Variants in SND1 observed in about 807,000 individuals in gnomAD.
SND1 encodes staphylococcal nuclease domain-containing protein 1.
In SND1, 38 loss-of-function variants were observed where a neutral mutation model predicts 121.7. The ratio of observed to expected loss-of-function variants is 0.31; its 90% CI spans 0.24 to 0.41. The LOEUF is 0.41. Among genes scored for constraint, SND1 ranks in the 10% least tolerant of loss-of-function variants. The pLI is 1.00. For synonymous variants in SND1, 401 were observed against 447.4 expected, an observed-to-expected ratio of 0.90 and a Z score of 1.31; for missense variants, 868 against 1,184.6, an observed-to-expected ratio of 0.73 and a Z score of 3.92.
chr7:127,724,256 A>G (rs56185520), intron 10 of SND1, among the ~76,000 whole-genome samples: 43,180 of 152,202 alleles, frequency 0.28, 7,414 homozygotes, highest in East Asian at 0.7. Context: ...AGGAGAGTGC[A>G]TAGTTTGGGA....
At chr7:127,659,080 G>A (rs1795263464) in intron 1 of SND1, among the ~76,000 whole-genome samples, 1 of 152,190 alleles carries the variant, frequency 6.6e-6, no homozygotes, top group African/African-American at 2.4e-5. Context: ...TGCAATGAAG[G>A]AACTCAACTC....
chr7:128,044,163 C>T lies in SND1; in HGVS notation c.1780-30339C>T, dbSNP rs73455773. 3.9e-3 allele frequency among the ~76,000 whole-genome samples: 590 copies of T among 152,246 alleles called. 2 individuals carry two copies. The highest frequency in any genetic ancestry group is 0.012 in the African/African-American group (516 of 41,530). On this transcript the variant is annotated intron_variant, in intron 16 of 23. Transcript: ENST00000354725. ...AACAAAATGTTTCCATTTGGCTGAA[C>T]GAGAGTTTTCTCCAGACCCACCTCC... is the stretch of plus-strand genomic sequence containing the variant.
In SND1 at chr7:127,843,100, C is replaced by CT. The variant is rs929753245; in HGVS notation, c.1243-1214dup. Among the ~76,000 whole-genome samples the CT allele has an allele frequency of 5.3e-4, 78 of 147,724 alleles. No individual in the cohort carries two copies. The East Asian group carries it at 8.4e-3, about 16-fold the overall frequency. On this transcript the variant is annotated intron_variant, in intron 11 of 23. Coordinates refer to ENST00000354725, the MANE Select transcript of SND1 (RefSeq NM_014390.4). ...CTTTTTTCTTTCTTTTTAAAATGGACTTTTTTTTTTAGAGCAGTTTTGGAT... is the reference window on the plus strand; with the variant it reads ...CTTTTTTCTTTCTTTTTAAAATGGACTTTTTTTTTTTAGAGCAGTTTTGGAT...
intron 12 of SND1, among the ~76,000 whole-genome samples, chr7:127,860,404 T>C (rs112283246): frequency 0.019 from 2,951 of 152,334 alleles, 56 homozygotes; most frequent in Non-Finnish European, 0.027. Flanking sequence ...AGTCTGGATT[T>C]ACAAAAGTCT....
At chr7:127,890,664 G>A (rs1425381132) in intron 13 of SND1, among the ~76,000 whole-genome samples, 2 of 152,176 alleles carry the variant, frequency 1.3e-5, no homozygotes, top group African/African-American at 4.8e-5. Context: ...AGTGAGGCCA[G>A]AATAAGCTCT....
chr7:127,834,770 C>T (rs1798834078), intron 11 of SND1, among the ~76,000 whole-genome samples: 1 of 152,118 alleles, frequency 6.6e-6, no homozygotes, highest in East Asian at 1.9e-4. Flanking sequence ...GTTTTTTCTT[C>T]ATGATTTTCC....
At position 127,726,132 on chromosome 7, in the gene SND1, T is replaced by C. The variant is rs900494562; in HGVS notation, c.1152+4732T>C. On this transcript the variant is annotated intron_variant, in intron 10 of 23. Transcript: ENST00000354725. ...TTCTAATTGGAGCCAGAGGAAGTAC[T>C]TGGACAAACACTGTGATCAAAGGAA... is the stretch of plus-strand genomic sequence containing the variant. Among the ~76,000 whole-genome samples the C allele has an allele frequency of 5.1e-4, 77 of 152,212 alleles. 1 individual carries two copies. The highest frequency in any genetic ancestry group is 1.8e-3 in the African/African-American group (75 of 41,460).
intron 16 of SND1, among the ~76,000 whole-genome samples, chr7:128,068,229 C>T (rs1793350920): frequency 6.6e-6 from 1 of 152,174 alleles, no homozygotes. Flanking sequence ...ACACTTACCA[C>T]ATGCATGCAC....
At chr7:127,715,712 A>G (rs1188692699) in intron 9 of SND1, among the ~76,000 whole-genome samples, 1 of 152,076 alleles carries the variant, frequency 6.6e-6, no homozygotes, top group Non-Finnish European at 1.5e-5. Flanking sequence ...GTTACACAAA[A>G]TTTTCATGAA....
intron 14 of SND1, among the ~76,000 whole-genome samples, chr7:127,928,514 T>G (rs1288641686): frequency 6.6e-6 from 1 of 151,922 alleles, no homozygotes; most frequent in East Asian, 1.9e-4. Flanking sequence ...TCGCTTTTTT[T>G]TTTTTTTTTA....
At chr7:128,053,618 C>T (rs1584763713) in intron 16 of SND1, among the ~76,000 whole-genome samples, 1 of 152,042 alleles carries the variant, frequency 6.6e-6, no homozygotes, top group Admixed American at 6.6e-5. Context: ...GAGGATGGAA[C>T]ATAGCAGCTG....
At chr7:127,715,100 C>T (rs760767825) in intron 9 of SND1, among the ~76,000 whole-genome samples, 17 of 151,412 alleles carry the variant, frequency 1.1e-4, no homozygotes, top group Non-Finnish European at 1.8e-4. Context: ...CATCGGTGCA[C>T]GAGGGTTCTA....
rs555062599 is a variant in SND1 at position 128,065,909 on chromosome 7, G to A, written c.1780-8593G>A. 1.2e-3 allele frequency among the ~76,000 whole-genome samples: 187 copies of A among 152,294 alleles called. 5 individuals are homozygous for A. The South Asian group carries it at 0.037, about 30-fold the overall frequency. On this transcript the variant is annotated intron_variant, in intron 16 of 23. Transcript: ENST00000354725. ...AAGATGGGTCCGGGACAGAATGAGG[G>A]CCCCCTGATTCTAGCCACATCCCTG...
At chr7:127,747,601 G>A (rs1797003745) in intron 10 of SND1, among the ~76,000 whole-genome samples, 1 of 152,090 alleles carries the variant, frequency 6.6e-6, no homozygotes, top group African/African-American at 2.4e-5. Flanking sequence ...TTTTTCTACT[G>A]ACAGGAGTTA....
chr7:128,028,320 C>T (rs1175543435), intron 16 of SND1: 2 of 188,426 alleles, frequency 1.1e-5, no homozygotes, highest in Admixed American at 1.1e-4. Flanking sequence ...CCCTCTTGCC[C>T]CCTCAGCAGC....
At chr7:128,043,449 C>T (rs1050494707) in intron 16 of SND1, among the ~76,000 whole-genome samples, 41 of 151,998 alleles carry the variant, frequency 2.7e-4, no homozygotes, top group Admixed American at 2.6e-3. Context: ...TGGCATGCAC[C>T]TGTAATCCCA....
intron 16 of SND1, among the ~76,000 whole-genome samples, chr7:128,022,204 CAAAAAA>C (rs58371490): frequency 1.3e-5 from 1 of 74,148 alleles, no homozygotes; most frequent in East Asian, 4.8e-4. Flanking sequence ...GACTCTCTCT[CAAAAAA>C]AAAAAAAAAA....
chr7:127,745,103 A>G (rs1394629426), intron 10 of SND1, among the ~76,000 whole-genome samples: 1 of 152,222 alleles, frequency 6.6e-6, no homozygotes, highest in African/African-American at 2.4e-5. Context: ...ACAGTTATGC[A>G]TTGCCCAACG....
chr7:127,777,213 C>G (rs1797636681), intron 10 of SND1, among the ~76,000 whole-genome samples: 1 of 152,206 alleles, frequency 6.6e-6, no homozygotes, highest in African/African-American at 2.4e-5. Context: ...CTCCCCGTAA[C>G]AAGTGGAAAG....
Sources: gnomAD v4.1 joint callset for allele counts (sites outside exome capture counted in the v4.1 genomes callset) on GRCh38, gnomAD v4.1.1 for gene constraint, MANE v1.5 for transcripts, NCBI Gene and HGNC (gene_info 2026-07-23, HGNC 2026-07-21) for gene names.